The following TEX9 variants were observed in gnomAD, a reference collection of about 807,000 sequenced individuals.
The protein encoded by TEX9 is testis-expressed protein 9.
TEX9 carries 74 observed loss-of-function variants against 59.6 expected under a neutral mutation model. That is an observed-to-expected ratio of 1.24 (90% CI 1.03 to 1.51). The LOEUF is 1.51. Among genes scored for constraint, TEX9 ranks in the 40% most tolerant of loss-of-function variants. The pLI, the probability that TEX9 is intolerant of heterozygous loss-of-function variation, is 0.00. For synonymous variants in TEX9, 186 were observed against 152.2 expected, an observed-to-expected ratio of 1.22 and a Z score of -1.64; for missense variants, 522 against 447.8, an observed-to-expected ratio of 1.17 and a Z score of -1.49.
chr15:56,287,915 A>G (rs1014697045), intron 1 of TEX9, among the ~76,000 whole-genome samples: 1 of 152,120 alleles, frequency 6.6e-6, no homozygotes, highest in African/African-American at 2.4e-5. Context: ...TTATCCATTC[A>G]TTCATTGATA....
At chr15:56,393,401 G>A (rs1221152928) in intron 7 of TEX9, among the ~76,000 whole-genome samples, 6 of 152,116 alleles carry the variant, frequency 3.9e-5, no homozygotes, top group Admixed American at 1.3e-4. Context: ...TGCTCTGCAC[G>A]TCACATGTGT....
chr15:56,403,696 A>G (rs2048919878), intron 9 of TEX9, among the ~76,000 whole-genome samples: 1 of 152,242 alleles, frequency 6.6e-6, no homozygotes, highest in Non-Finnish European at 1.5e-5. Flanking sequence ...CCAAAAGAAC[A>G]AAGCTGGAGG....
intron 12 of TEX9, among the ~76,000 whole-genome samples, chr15:56,433,607 AACTT>A (rs2050659160): frequency 1.3e-5 from 2 of 152,074 alleles, no homozygotes; most frequent in South Asian, 2.1e-4. Context: ...TTATTATAAT[AACTT>A]ACTTACTGAT....
intron 9 of TEX9, among the ~76,000 whole-genome samples, chr15:56,406,968 C>A (rs1244971716): frequency 1.3e-5 from 2 of 151,980 alleles, no homozygotes; most frequent in African/African-American, 4.8e-5. Context: ...CTTGTTTACC[C>A]AAAATATTAC....
intron 1 of TEX9, among the ~76,000 whole-genome samples, chr15:56,337,357 C>T (rs934503750): frequency 6.6e-6 from 1 of 152,078 alleles, no homozygotes; most frequent in African/African-American, 2.4e-5. Context: ...TGCATGTATT[C>T]GTCTGGCATC....
chr15:56,443,495 A>G, intron 12 of TEX9: 1 of 1,600,592 alleles, frequency 6.2e-7, no homozygotes, highest in Middle Eastern at 1.7e-4. Context: ...ACTTGTTCCA[A>G]ATCTTCACGT....
chr15:56,437,358 C>CA (rs1251430742), intron 12 of TEX9, among the ~76,000 whole-genome samples: 1 of 152,062 alleles, frequency 6.6e-6, no homozygotes, highest in East Asian at 1.9e-4. Flanking sequence ...GAACCAATGA[C>CA]AAAAAACACA....
chr15:56,334,943 A>T (rs534466249), intron 1 of TEX9, among the ~76,000 whole-genome samples: 1 of 152,354 alleles, frequency 6.6e-6, no homozygotes, highest in African/African-American at 2.4e-5. Flanking sequence ...AATCAAAACT[A>T]TAATGAGATA....
intron 1 of TEX9, among the ~76,000 whole-genome samples, chr15:56,355,849 T>G (rs1265808876): frequency 1.3e-5 from 2 of 152,120 alleles, no homozygotes; most frequent in Non-Finnish European, 2.9e-5. Context: ...TAAAATTTGA[T>G]TTCCAATTGT....
At chr15:56,291,089 G>A (rs569670534) in intron 1 of TEX9, among the ~76,000 whole-genome samples, 1 of 152,314 alleles carries the variant, frequency 6.6e-6, no homozygotes, top group East Asian at 1.9e-4. Context: ...AGTATAAAGA[G>A]AAGTAAAGCT....
rs577562344 is a variant in TEX9 at position 56,337,962 on chromosome 15, G to A, written c.-106-35479G>A. ...TTCAGGTTGATAAGACATTCCAGTA[G>A]ATGAGCTACATCCTAAATGGTTTTT... On this transcript the variant is annotated intron_variant, in intron 1 of 5. Coordinates refer to the TEX9 transcript ENST00000560827. Among the ~76,000 whole-genome samples, 6 of 152,308 alleles carry A rather than the reference G, an allele frequency of 3.9e-5. No homozygotes were observed. The South Asian group carries it at 1.0e-3, about 26-fold the overall frequency.
chr15:56,443,846 T>C, intron 12 of TEX9: 1 of 1,596,950 alleles, frequency 6.3e-7, no homozygotes, highest in Non-Finnish European at 8.5e-7. Flanking sequence ...TAACTTTTGT[T>C]GTTTTTCCCT....
chr15:56,258,931 T>C (rs1269283774), intron 1 of TEX9, among the ~76,000 whole-genome samples: 1 of 149,762 alleles, frequency 6.7e-6, no homozygotes, highest in East Asian at 1.9e-4. Flanking sequence ...AACACCTATA[T>C]GTATATATAA....
chr15:56,442,788 A>G (rs1230137957), intron 12 of TEX9, among the ~76,000 whole-genome samples: 1 of 152,106 alleles, frequency 6.6e-6, no homozygotes, highest in Non-Finnish European at 1.5e-5. Context: ...ATCGAGTACT[A>G]TGCTCATTAC....
intron 1 of TEX9, among the ~76,000 whole-genome samples, chr15:56,349,743 A>G (rs1032995368): frequency 1.4e-4 from 22 of 151,820 alleles, no homozygotes; most frequent in Admixed American, 9.8e-4. Context: ...ACGTGTATAT[A>G]TGTGTGTGTA....
chr15:56,283,965 G>A (rs1377181941), intron 1 of TEX9, among the ~76,000 whole-genome samples: 2 of 152,070 alleles, frequency 1.3e-5, no homozygotes, highest in Admixed American at 6.6e-5. Context: ...TGCAAATTAA[G>A]GCAACTTCTA....
intron 12 of TEX9, among the ~76,000 whole-genome samples, chr15:56,439,475 AG>A (rs1378234072): frequency 6.6e-6 from 1 of 152,106 alleles, no homozygotes; most frequent in African/African-American, 2.4e-5. Context: ...CTTGCCATAT[AG>A]CTGCAGTATT....
At chr15:56,347,092 T>A (rs538780738) in intron 1 of TEX9, among the ~76,000 whole-genome samples, 1 of 152,276 alleles carries the variant, frequency 6.6e-6, no homozygotes, top group Admixed American at 6.5e-5. Flanking sequence ...AGGATCAGAA[T>A]AAATGGAAAG....
chr15:56,301,051 G>A (rs180900664), intron 1 of TEX9, among the ~76,000 whole-genome samples: 2 of 152,302 alleles, frequency 1.3e-5, no homozygotes, highest in East Asian at 3.9e-4. Context: ...AAAAGAATAT[G>A]TGACCTTTCG....
Sources: gnomAD v4.1 joint callset for allele counts (sites outside exome capture counted in the v4.1 genomes callset) on GRCh38, gnomAD v4.1.1 for gene constraint, MANE v1.5 for transcripts, NCBI Gene and HGNC (gene_info 2026-07-23, HGNC 2026-07-21) for gene names.